Variants in CCSER1 observed in about 807,000 individuals in gnomAD.
CCSER1 encodes the protein serine-rich coiled-coil domain-containing protein 1.
In CCSER1, 41 loss-of-function variants were observed where a neutral mutation model predicts 82.0. That is an observed-to-expected ratio of 0.50 (90% CI 0.39 to 0.65). The LOEUF is 0.65. Among genes scored for constraint, CCSER1 ranks in the 30% least tolerant of loss-of-function variants. The pLI is 0.00. For synonymous variants in CCSER1, 414 were observed against 383.9 expected, an observed-to-expected ratio of 1.08 and a Z score of -0.92; for missense variants, 1,119 against 1,064.2, an observed-to-expected ratio of 1.05 and a Z score of -0.72.
At chr4:90,516,304 A>G (rs1347364636) in intron 5 of CCSER1, among the ~76,000 whole-genome samples, 1 of 152,232 alleles carries the variant, frequency 6.6e-6, no homozygotes, top group African/African-American at 2.4e-5. Context: ...AACAGGAAAC[A>G]GATGACATAC....
chr4:90,181,186 C>T (rs1733668827), intron 1 of CCSER1, among the ~76,000 whole-genome samples: 1 of 152,030 alleles, frequency 6.6e-6, no homozygotes, highest in Non-Finnish European at 1.5e-5. Context: ...TGGAGCAAAC[C>T]TGTGCATGTA....
At chr4:91,224,113 A>G (rs1013635005) in intron 10 of CCSER1, among the ~76,000 whole-genome samples, 3 of 151,834 alleles carry the variant, frequency 2.0e-5, no homozygotes, top group Non-Finnish European at 4.4e-5. Flanking sequence ...GAAAATATTA[A>G]TAACTCCCGC....
intron 10 of CCSER1, among the ~76,000 whole-genome samples, chr4:91,094,479 G>A (rs990163895): frequency 6.6e-5 from 10 of 152,154 alleles, no homozygotes; most frequent in South Asian, 2.1e-4. Flanking sequence ...TTAACCAAGC[G>A]TAAGTCCTGT....
At chr4:90,694,190 T>TGA (rs1452934036) in intron 6 of CCSER1, among the ~76,000 whole-genome samples, 1 of 151,988 alleles carries the variant, frequency 6.6e-6, no homozygotes, top group Non-Finnish European at 1.5e-5. Flanking sequence ...TGTTGTATCA[T>TGA]CCTTATTTAG....
chr4:90,482,898 C>A (rs548995220), intron 5 of CCSER1, among the ~76,000 whole-genome samples: 1 of 152,222 alleles, frequency 6.6e-6, no homozygotes, highest in African/African-American at 2.4e-5. Context: ...CTGCTTGGTG[C>A]AGAACTGACT....
At chr4:91,063,436 T>G (rs1195387643) in intron 9 of CCSER1, among the ~76,000 whole-genome samples, 2 of 152,160 alleles carry the variant, frequency 1.3e-5, no homozygotes, top group Non-Finnish European at 2.9e-5. Context: ...CACATAAATT[T>G]GGGATGAAAA....
At chr4:91,314,849 G>A (rs575170551) in intron 10 of CCSER1, among the ~76,000 whole-genome samples, 1 of 152,012 alleles carries the variant, frequency 6.6e-6, no homozygotes, top group Admixed American at 6.6e-5. Flanking sequence ...TTGTAGTTAA[G>A]ATTCCCTCAG....
intron 1 of CCSER1, among the ~76,000 whole-genome samples, chr4:90,239,476 C>G (rs1746435182): frequency 1.3e-5 from 2 of 151,996 alleles, no homozygotes. Context: ...GTGTAGTCAA[C>G]TGATTTTTCC....
At chr4:91,069,573 G>A (rs1721211632) in intron 9 of CCSER1, among the ~76,000 whole-genome samples, 1 of 152,130 alleles carries the variant, frequency 6.6e-6, no homozygotes, top group Non-Finnish European at 1.5e-5. Context: ...TACTGTCATG[G>A]ACTTTACGTT....
At chr4:91,405,141 A>G (rs1185500356) in intron 10 of CCSER1, among the ~76,000 whole-genome samples, 1 of 151,628 alleles carries the variant, frequency 6.6e-6, no homozygotes, top group Admixed American at 6.6e-5. Flanking sequence ...TCCCTTTACC[A>G]TTATGTAATG....
At chr4:91,102,181 CA>C (rs1165145213) in intron 10 of CCSER1, among the ~76,000 whole-genome samples, 1 of 152,074 alleles carries the variant, frequency 6.6e-6, no homozygotes, top group Non-Finnish European at 1.5e-5. Context: ...GTTGATTGAA[CA>C]AAGCTAGGTA....
intron 4 of CCSER1, among the ~76,000 whole-genome samples, chr4:90,425,820 T>G (rs972113548): frequency 2.6e-5 from 4 of 152,144 alleles, no homozygotes; most frequent in Non-Finnish European, 5.9e-5. Context: ...ACACTAAACT[T>G]GACTTCCAGC....
At chr4:91,450,664 T>C (rs1014757272) in intron 10 of CCSER1, among the ~76,000 whole-genome samples, 1 of 151,520 alleles carries the variant, frequency 6.6e-6, no homozygotes, top group African/African-American at 2.4e-5. Context: ...ATTTGGGGAG[T>C]TAGTTAAGGT....
At chr4:90,772,461 G>A (rs1461138769) in intron 7 of CCSER1, among the ~76,000 whole-genome samples, 1 of 152,156 alleles carries the variant, frequency 6.6e-6, no homozygotes, top group Non-Finnish European at 1.5e-5. Flanking sequence ...CACAGAAAAT[G>A]TCAGGTATAA....
intron 5 of CCSER1, among the ~76,000 whole-genome samples, chr4:90,566,348 T>A (rs1779376034): frequency 6.6e-6 from 1 of 151,986 alleles, no homozygotes; most frequent in African/African-American, 2.4e-5. Context: ...GTTTTTTGGA[T>A]GAGTTTAAGA....
intron 7 of CCSER1, among the ~76,000 whole-genome samples, chr4:90,762,748 T>G (rs1263676736): frequency 6.6e-6 from 1 of 152,156 alleles, no homozygotes; most frequent in African/African-American, 2.4e-5. Flanking sequence ...CTGAAAATGG[T>G]TCTCCCAAAT....
In CCSER1 at chr4:91,565,163, T is replaced by C. The variant is rs1002488275; in HGVS notation, c.2218-33409T>C. ...ACCATTTATTGAATAGAGAGTCTTT[T>C]CCCCATTGCTTGGTTTTGTCAGCTT... On this transcript the variant is annotated intron_variant, in intron 10 of 10. Coordinates refer to ENST00000509176, the MANE Select transcript of CCSER1 (RefSeq NM_001145065.2). 2.0e-5 allele frequency among the ~76,000 whole-genome samples: 3 copies of C among 151,786 alleles called. No homozygotes were observed. The East Asian group carries it at 5.8e-4, about 29-fold the overall frequency.
intron 9 of CCSER1, among the ~76,000 whole-genome samples, chr4:91,029,419 A>G (rs1055315890): frequency 1.3e-5 from 2 of 152,054 alleles, no homozygotes; most frequent in Non-Finnish European, 2.9e-5. Context: ...TAATCTACCC[A>G]AATACTTTTT....
At chr4:91,546,681 C>A (rs1039006492) in intron 10 of CCSER1, among the ~76,000 whole-genome samples, 1 of 151,990 alleles carries the variant, frequency 6.6e-6, no homozygotes, top group East Asian at 1.9e-4. Context: ...TACATAAAAT[C>A]AGCTTTTTGT....
Sources: gnomAD v4.1 joint callset for allele counts (sites outside exome capture counted in the v4.1 genomes callset) on GRCh38, gnomAD v4.1.1 for gene constraint, MANE v1.5 for transcripts, NCBI Gene and HGNC (gene_info 2026-07-23, HGNC 2026-07-21) for gene names.